The following KCNQ1 variants were observed in gnomAD, a reference collection of about 807,000 sequenced individuals.
KCNQ1 encodes potassium voltage-gated channel subfamily Q member 1.
KCNQ1 carries 49 observed loss-of-function variants against 72.4 expected under a neutral mutation model. That is an observed-to-expected ratio of 0.68 (90% CI 0.54 to 0.86). KCNQ1 has a LOEUF of 0.86. Among genes scored for constraint, KCNQ1 ranks in the 40% least tolerant of loss-of-function variants. The pLI is 0.00. For synonymous variants in KCNQ1, 450 were observed against 412.6 expected (o/e 1.09, Z -1.10); for missense variants, 790 against 945.1 (o/e 0.84, Z 2.15).
At position 2,543,470 on chromosome 11, in the gene KCNQ1, C is replaced by T. The variant is rs962267316; in HGVS notation, c.477+15452C>T. Reference sequence around the variant, plus strand: ...TAAAGTTCTTGTACAGACAGGGTCTCACTTTGTTGCCCAGGCTGGTGTCAA... The same window carrying T: ...TAAAGTTCTTGTACAGACAGGGTCTTACTTTGTTGCCCAGGCTGGTGTCAA... On this transcript the variant is annotated intron_variant, in intron 2 of 15. Coordinates refer to ENST00000155840, the MANE Select transcript of KCNQ1 (RefSeq NM_000218.3). This position sits in a 1 kb window ranked among gnomAD's most constrained non-coding sequence, Gnocchi z 5.6. Among the ~76,000 whole-genome samples the T allele has an allele frequency of 1.3e-5, 2 of 152,164 alleles. No homozygotes were observed. Among genetic ancestry groups the T allele is most frequent in the South Asian group, 2.1e-4 (1 of 4,832 alleles).
At chr11:2,548,586 A>G (rs1329454487) in intron 2 of KCNQ1, among the ~76,000 whole-genome samples, 1 of 152,242 alleles carries the variant, frequency 6.6e-6, no homozygotes, top group African/African-American at 2.4e-5. Context: ...CATTCTGCTA[A>G]GACATCTCAG....
In KCNQ1 at chr11:2,497,751, G is replaced by T. The variant is rs1564797714; in HGVS notation, c.387-30177G>T. Among the ~76,000 whole-genome samples, 1 of 152,092 alleles carries T rather than the reference G, an allele frequency of 6.6e-6. No homozygotes were observed. Among genetic ancestry groups the T allele is most frequent in the Admixed American group, 6.5e-5 (1 of 15,274 alleles). On this transcript the variant is annotated intron_variant, in intron 1 of 15. Coordinates refer to ENST00000155840, the MANE Select transcript of KCNQ1 (RefSeq NM_000218.3). This position sits in a 1 kb window ranked among gnomAD's most constrained non-coding sequence, Gnocchi z 4.5. ...TCATTTGGAGGAGAAGAGGCATTCT[G>T]GTTTTTAGAATGTTCAGCATTTTTG...
At position 2,513,553 on chromosome 11, in the gene KCNQ1, C is replaced by T. The variant is rs527595091; in HGVS notation, c.387-14375C>T. The stretch of plus-strand genomic sequence containing the variant: ...CCTGCTGGGCCCAAGGCATCCCTGC[C>T]GTGTTCAGAGTTCCACAGGCACCAG... On this transcript the variant is annotated intron_variant, in intron 1 of 15. Transcript: ENST00000155840. 9.8e-5 allele frequency among the ~76,000 whole-genome samples: 15 copies of T among 152,336 alleles called. No individual in the cohort carries two copies. The South Asian group carries it at 1.4e-3, about 15-fold the overall frequency.
At chr11:2,650,549 T>C (rs1849741532) in intron 10 of KCNQ1, 1 of 398,558 alleles carries the variant, frequency 2.5e-6, no homozygotes, top group Admixed American at 4.4e-5. Flanking sequence ...AGTTCATCAG[T>C]GGCTTAGGCT....
intron 1 of KCNQ1, among the ~76,000 whole-genome samples, chr11:2,522,345 G>A (rs936123243): frequency 1.1e-4 from 17 of 152,094 alleles, no homozygotes; most frequent in East Asian, 3.9e-4. Flanking sequence ...TCCAAAACAC[G>A]CATAGGATTC....
At chr11:2,583,371 A>G in intron 6 of KCNQ1, 64 bp from the exon 7 acceptor site, 1 of 1,121,672 alleles carries the variant, frequency 8.9e-7, no homozygotes, top group Admixed American at 1.7e-5. Flanking sequence ...GGTTTGGGTT[A>G]GGCAGTTGGC....
At chr11:2,699,912 G>C in intron 11 of KCNQ1, 2 of 398,406 alleles carry the variant, frequency 5.0e-6, no homozygotes, top group Non-Finnish European at 8.9e-6. Context: ...CACCCCGGCA[G>C]AATCGCGCTG....
chr11:2,636,241 G>A (rs1007264747), intron 10 of KCNQ1: 4 of 152,300 alleles, frequency 2.6e-5, no homozygotes, highest in East Asian at 1.9e-4. Flanking sequence ...AGTGGTGAGA[G>A]AGGGCATCCC....
intron 11 of KCNQ1, among the ~76,000 whole-genome samples, chr11:2,741,969 G>A (rs983662597): frequency 1.3e-5 from 2 of 152,338 alleles, no homozygotes; most frequent in Admixed American, 6.5e-5. Context: ...GCCCCAGGGC[G>A]GGCTGCCGCC....
At position 2,818,816 on chromosome 11, in the gene KCNQ1, T is replaced by TCCACAACTG. The variant is rs914432202; in HGVS notation, c.1795-28947_1795-28939dup. Among the ~76,000 whole-genome samples, 1 of 151,302 alleles carries TCCACAACTG rather than the reference T, an allele frequency of 6.6e-6. No individual in the cohort carries two copies. Among genetic ancestry groups the TCCACAACTG allele is most frequent in the African/African-American group, 2.4e-5 (1 of 41,014 alleles). On this transcript the variant is annotated intron_variant, in intron 15 of 15. Coordinates refer to ENST00000155840, the MANE Select transcript of KCNQ1 (RefSeq NM_000218.3). This position sits in a 1 kb window ranked among gnomAD's most constrained non-coding sequence, Gnocchi z 7.2. ...CACCACACACTCCCCAACAGGTGTC[T>TCCACAACTG]CCACAACTGCCAGGAGACAGCTCAG...
chr11:2,738,968 G>C (rs1235706851), intron 11 of KCNQ1, among the ~76,000 whole-genome samples: 1 of 152,220 alleles, frequency 6.6e-6, no homozygotes, highest in African/African-American at 2.4e-5. Flanking sequence ...TTGGGGCTTG[G>C]GGGGACCCTG....
rs1241699224 is a variant in KCNQ1 at position 2,447,099 on chromosome 11, C to A, written c.386+1615C>A. Among the ~76,000 whole-genome samples the A allele has an allele frequency of 6.6e-6, 1 of 152,204 alleles. No individual in the cohort carries two copies. The highest frequency in any genetic ancestry group is 1.5e-5 in the Non-Finnish European group (1 of 68,042). ...TGTATTCAGGTTTGTGGACACATGCCTCCGGGCTCACTGCAGCCACCCGTG... is the reference window on the plus strand; with the variant it reads ...TGTATTCAGGTTTGTGGACACATGCATCCGGGCTCACTGCAGCCACCCGTG... On this transcript the variant is annotated intron_variant, in intron 1 of 15. Coordinates refer to ENST00000155840, the MANE Select transcript of KCNQ1 (RefSeq NM_000218.3). The surrounding 1 kb of genome is among the most constrained non-coding windows in gnomAD (Gnocchi z 7.6).
intron 4 of KCNQ1, 65 bp downstream of exon 4, chr11:2,571,468 G>A: frequency 6.4e-6 from 9 of 1,402,100 alleles, no homozygotes; most frequent in Admixed American, 1.7e-5. Context: ...CCTGAGCCGC[G>A]GGTGGTCTCA....
chr11:2,585,397 T>A, intron 8 of KCNQ1, 90 bp downstream of exon 8: 1 of 1,170,280 alleles, frequency 8.5e-7, no homozygotes, highest in Non-Finnish European at 1.3e-6. Context: ...GAACCATCAT[T>A]GGCCCCTGCA....
rs1420390274 is a variant in KCNQ1, at chr11:2,782,577, G to T, written c.1794+4540G>T. Among the ~76,000 whole-genome samples, 1 of 152,124 alleles carries T rather than the reference G, an allele frequency of 6.6e-6. No homozygotes were observed. The highest frequency in any genetic ancestry group is 1.5e-5 in the Non-Finnish European group (1 of 68,026). ...TTAAAGGTAAAGACATCTAGGCCTG[G>T]TGTTTTCTTTGTGGGAAGATTCATC... On this transcript the variant is annotated intron_variant, in intron 15 of 15. Coordinates refer to ENST00000155840, the MANE Select transcript of KCNQ1 (RefSeq NM_000218.3). This position sits in a 1 kb window ranked among gnomAD's most constrained non-coding sequence, Gnocchi z 6.1.
intron 10 of KCNQ1, chr11:2,650,801 G>A (rs139281851): frequency 2.8e-5 from 11 of 398,604 alleles, no homozygotes; most frequent in African/African-American, 1.8e-4. Flanking sequence ...CTAACAGCAT[G>A]GGTCATGTGG....
At chr11:2,730,855 G>A (rs192431364) in intron 11 of KCNQ1, among the ~76,000 whole-genome samples, 1 of 152,312 alleles carries the variant, frequency 6.6e-6, no homozygotes, top group East Asian at 1.9e-4. Context: ...TTTGGTGGCA[G>A]GCCTCTGTGG....
rs1332631339 is a variant in KCNQ1 at position 2,565,799 on chromosome 11, G to A, written c.478-4829G>A. Among the ~76,000 whole-genome samples, 7 of 152,214 alleles carry A rather than the reference G, an allele frequency of 4.6e-5. No individual in the cohort carries two copies. The highest frequency in any genetic ancestry group is 1.9e-4 in the East Asian group (1 of 5,186). ...CACATGTCTTTTCTGTTGTTTCTGC[G>A]AAGGTGTCTCAGGGAGGGGCAGAAC... On this transcript the variant is annotated intron_variant, in intron 2 of 15. Transcript: ENST00000155840. The surrounding 1 kb of genome is among the most constrained non-coding windows in gnomAD (Gnocchi z 5.6).
intron 1 of KCNQ1, among the ~76,000 whole-genome samples, chr11:2,474,404 C>G (rs551575282): frequency 6.6e-5 from 10 of 152,278 alleles, no homozygotes; most frequent in Non-Finnish European, 8.8e-5. Flanking sequence ...CAGTGGGCAC[C>G]CGAGCCCTGT....
Sources: gnomAD v4.1 joint callset for allele counts (sites outside exome capture counted in the v4.1 genomes callset) on GRCh38, gnomAD v4.1.1 for gene constraint, Gnocchi (gnomAD v3.1) non-coding constraint, MANE v1.5 for transcripts, NCBI Gene and HGNC (gene_info 2026-07-23, HGNC 2026-07-21) for gene names.